The following EPB41 variants were observed in gnomAD, a reference collection of about 807,000 sequenced individuals.
EPB41 encodes the protein erythrocyte membrane protein band 4.1.
EPB41 carries 65 observed loss-of-function variants against 108.0 expected under a neutral mutation model. That is an observed-to-expected ratio of 0.60 (90% confidence interval 0.49 to 0.74). The LOEUF (loss-of-function observed/expected upper bound fraction) is 0.74. EPB41 is among the 30% of genes least tolerant of loss of function. The pLI, the probability that EPB41 is intolerant of heterozygous loss-of-function variation, is 0.00. For synonymous variants in EPB41, 336 were observed against 358.9 expected (o/e 0.94, Z 0.72); for missense variants, 875 against 1,037.0 (o/e 0.84, Z 2.15).
At chr1:28,936,565 C>T (rs1455771242) in intron 1 of EPB41, among the ~76,000 whole-genome samples, 2 of 152,174 alleles carry the variant, frequency 1.3e-5, no homozygotes, top group Non-Finnish European at 2.9e-5. Context: ...TCCCCATCCC[C>T]CCAGACTCTG....
At chr1:29,024,007 C>G (rs2096681520) in intron 7 of EPB41, among the ~76,000 whole-genome samples, 1 of 151,944 alleles carries the variant, frequency 6.6e-6, no homozygotes, top group South Asian at 2.1e-4. Flanking sequence ...AGTACAATGA[C>G]AGTATATAGT....
intron 16 of EPB41, among the ~76,000 whole-genome samples, chr1:29,085,412 T>A (rs1377812691): frequency 6.6e-6 from 1 of 152,126 alleles, no homozygotes; most frequent in Non-Finnish European, 1.5e-5. Context: ...CCCAAATTGC[T>A]AGGATTACAG....
Position 28,921,220 on chromosome 1 carries a change from T to C in EPB41, c.-8+6452T>C, listed in dbSNP as rs955663264. ...ATTAGTACTTACATATACTCTTAAG[T>C]AATCCTATTAAAATCATTTTAACAC... On this transcript the variant is annotated intron_variant, in intron 1 of 20. Transcript: ENST00000343067. Among the ~76,000 whole-genome samples the C allele has an allele frequency of 1.8e-4, 28 of 152,210 alleles. 1 individual carries two copies. The highest frequency in any genetic ancestry group is 7.3e-5 in the Non-Finnish European group (5 of 68,034).
At chr1:29,020,739 C>T (rs1558047262) in intron 7 of EPB41, among the ~76,000 whole-genome samples, 1 of 152,024 alleles carries the variant, frequency 6.6e-6, no homozygotes, top group Non-Finnish European at 1.5e-5. Context: ...CTCGCTGCAG[C>T]TTCAATCTCC....
chr1:29,045,209 G>A (rs1642811495), intron 11 of EPB41, among the ~76,000 whole-genome samples: 1 of 152,082 alleles, frequency 6.6e-6, no homozygotes, highest in African/African-American at 2.4e-5. Context: ...TTATAATATT[G>A]AGTCTTCTGA....
intron 1 of EPB41, among the ~76,000 whole-genome samples, chr1:28,925,552 G>T (rs1490813121): frequency 6.6e-6 from 1 of 152,134 alleles, no homozygotes; most frequent in Non-Finnish European, 1.5e-5. Context: ...TTAGATAAGG[G>T]TGATACTTCT....
At chr1:28,998,146 C>T (rs2096225062) in intron 4 of EPB41, among the ~76,000 whole-genome samples, 1 of 152,078 alleles carries the variant, frequency 6.6e-6, no homozygotes, top group South Asian at 2.1e-4. Flanking sequence ...AAAGGAAATA[C>T]AGGTTGTCAG....
intron 16 of EPB41, among the ~76,000 whole-genome samples, chr1:29,076,296 C>G (rs1654043910): frequency 6.6e-6 from 1 of 152,160 alleles, no homozygotes; most frequent in Admixed American, 6.6e-5. Context: ...GTGGATTATT[C>G]CGCTTTATGT....
At chr1:29,070,592 G>A in intron 16 of EPB41, 1 of 1,232,104 alleles carries the variant, frequency 8.1e-7, no homozygotes, top group Non-Finnish European at 1.0e-6. Context: ...TGTGTTGGCT[G>A]TTTGGTGGTT....
intron 11 of EPB41, among the ~76,000 whole-genome samples, chr1:29,040,582 T>C (rs1216260666): frequency 2.6e-5 from 4 of 151,876 alleles, no homozygotes; most frequent in African/African-American, 4.8e-5. Context: ...TGCCCAGCCA[T>C]ACAAGAATAA....
intron 1 of EPB41, among the ~76,000 whole-genome samples, chr1:28,892,797 C>CTTTT (rs995428093): frequency 5.3e-4 from 46 of 87,220 alleles, no homozygotes; most frequent in East Asian, 1.0e-3. Flanking sequence ...TTCCCAGGTT[C>CTTTT]TTTTTTTTTT....
intron 18 of EPB41, chr1:29,109,807 G>T: frequency 2.9e-6 from 1 of 342,034 alleles, no homozygotes; most frequent in South Asian, 2.5e-5. Context: ...GCCAAGGCAG[G>T]TGGATCACCT....
intron 11 of EPB41, among the ~76,000 whole-genome samples, chr1:29,048,396 T>C (rs1051610831): frequency 6.6e-6 from 1 of 151,998 alleles, no homozygotes; most frequent in Admixed American, 6.6e-5. Flanking sequence ...GTATTTTTAG[T>C]AGAGACGGGG....
chr1:28,899,155 G>C (rs1461318427), intron 1 of EPB41, among the ~76,000 whole-genome samples: 1 of 152,208 alleles, frequency 6.6e-6, no homozygotes. Flanking sequence ...ATGTGGTGCA[G>C]TGGCCTTGGC....
chr1:28,967,986 G>A (rs1007177997), intron 1 of EPB41, among the ~76,000 whole-genome samples: 1 of 151,936 alleles, frequency 6.6e-6, no homozygotes. Context: ...TGTATTTTTA[G>A]TAGAGACAGG....
chr1:29,040,794 A>G (rs892061701), intron 11 of EPB41, among the ~76,000 whole-genome samples: 1 of 152,146 alleles, frequency 6.6e-6, no homozygotes, highest in Non-Finnish European at 1.5e-5. Context: ...AAACGAGGTA[A>G]TAAGCTACAT....
chr1:29,112,862 G>A (rs1182204585), intron 19 of EPB41, among the ~76,000 whole-genome samples: 1 of 149,052 alleles, frequency 6.7e-6, no homozygotes, highest in Non-Finnish European at 1.5e-5. Context: ...TTATTCCGAA[G>A]GTAAAGGTAC....
At chr1:28,952,821 A>G (rs1571281804) in intron 1 of EPB41, among the ~76,000 whole-genome samples, 1 of 152,302 alleles carries the variant, frequency 6.6e-6, no homozygotes, top group East Asian at 1.9e-4. Context: ...GTAAATTTAG[A>G]TGAAGCTAGA....
chr1:29,114,358 C>T (rs1670173311), intron 19 of EPB41, among the ~76,000 whole-genome samples: 1 of 152,170 alleles, frequency 6.6e-6, no homozygotes, highest in Admixed American at 6.5e-5. Context: ...ATCCCTATTG[C>T]ACGGCTGGGT....
Sources: allele counts gnomAD v4.1 joint callset (sites outside exome capture counted in the v4.1 genomes callset), GRCh38; gene constraint gnomAD v4.1.1; transcripts MANE v1.5; gene names NCBI Gene and HGNC (gene_info 2026-07-23, HGNC 2026-07-21).